The following TRABD2B variants were observed in gnomAD, a reference collection of about 807,000 sequenced individuals.
TRABD2B encodes metalloprotease TIKI2.
TRABD2B carries 14 observed loss-of-function variants against 40.1 expected under a neutral mutation model. The ratio of observed to expected loss-of-function variants is 0.35; its 90% CI spans 0.23 to 0.55. The LOEUF (loss-of-function observed/expected upper bound fraction) is 0.55. Ranked by LOEUF, TRABD2B falls within the 20% of genes least tolerant of loss-of-function variation. The probability of loss-of-function intolerance (pLI) is 0.90; values close to 1 mark genes in which losing one functional copy is unlikely to be tolerated. For missense variants in TRABD2B, 541 were observed against 648.6 expected, an observed-to-expected ratio of 0.83 and a Z score of 1.80; for synonymous variants, 263 against 277.0, an observed-to-expected ratio of 0.95 and a Z score of 0.50.
chr1:47,841,412 G>A (rs1460198298), intron 2 of TRABD2B, among the ~76,000 whole-genome samples: 2 of 152,222 alleles, frequency 1.3e-5, no homozygotes, highest in Non-Finnish European at 2.9e-5. Context: ...TATCTGCAGG[G>A]GCAGCCAGGC....
At chr1:47,963,943 C>A (rs1157126736) in intron 2 of TRABD2B, among the ~76,000 whole-genome samples, 2 of 152,226 alleles carry the variant, frequency 1.3e-5, no homozygotes, top group East Asian at 1.9e-4. Context: ...GGCCCAAAGG[C>A]CAGACTGAGA....
chr1:47,970,933 C>T (rs1645673499), intron 2 of TRABD2B, among the ~76,000 whole-genome samples: 1 of 152,188 alleles, frequency 6.6e-6, no homozygotes, highest in Non-Finnish European at 1.5e-5. Flanking sequence ...AGCCCAAAGT[C>T]AAGAAGCAAG....
intron 2 of TRABD2B, among the ~76,000 whole-genome samples, chr1:47,863,980 G>C (rs1020430993): frequency 1.3e-5 from 2 of 152,158 alleles, no homozygotes; most frequent in African/African-American, 4.8e-5. Context: ...TTATTACTAA[G>C]TGAAAGAAGC....
At chr1:47,923,135 C>T (rs1644923536) in intron 2 of TRABD2B, among the ~76,000 whole-genome samples, 1 of 152,248 alleles carries the variant, frequency 6.6e-6, no homozygotes, top group South Asian at 2.1e-4. Context: ...CCCTGCCCAA[C>T]CTGCTCAGCC....
At chr1:47,777,830 T>C (rs1250286440) in intron 5 of TRABD2B, among the ~76,000 whole-genome samples, 1 of 152,160 alleles carries the variant, frequency 6.6e-6, no homozygotes, top group Non-Finnish European at 1.5e-5. Context: ...GGCCTGGTGC[T>C]GGTGCTGTGG....
At chr1:47,953,552 C>G (rs1331362129) in intron 2 of TRABD2B, among the ~76,000 whole-genome samples, 1 of 152,160 alleles carries the variant, frequency 6.6e-6, no homozygotes, top group Non-Finnish European at 1.5e-5. Context: ...TTACAGAGGC[C>G]TCCGGGGCAG....
intron 2 of TRABD2B, among the ~76,000 whole-genome samples, chr1:47,953,476 C>T (rs180709331): frequency 6.6e-6 from 1 of 152,210 alleles, no homozygotes; most frequent in East Asian, 1.9e-4. Context: ...ACAGGAAGCT[C>T]CCCACCCTAT....
Position 47,765,788 on chromosome 1 carries a change from T to G in TRABD2B, c.*114A>C. The G allele has an allele frequency of 2.9e-6, 2 of 701,110 alleles. No individual in the cohort carries two copies. The highest frequency in any genetic ancestry group is 5.2e-6 in the Non-Finnish European group (2 of 384,502). The allele number at this position is 701,110 out of a possible 1,614,324, so 43.4% of individuals were successfully genotyped here. A position where few individuals can be genotyped will look rare whatever the true frequency, so the allele number is the denominator to read the frequency against. On this transcript the variant is annotated 3_prime_UTR_variant, in exon 7 of 7. Coordinates refer to ENST00000606738, the MANE Select transcript of TRABD2B (RefSeq NM_001194986.2). ...GCTCTAGAGTGTCTAGCCAATCCCA[T>G]GTGGACTGCCCTCGACGTGTTGGGC... is the stretch of plus-strand genomic sequence containing the variant.
intron 2 of TRABD2B, among the ~76,000 whole-genome samples, chr1:47,931,131 T>C (rs991033075): frequency 3.3e-5 from 5 of 152,152 alleles, no homozygotes; most frequent in African/African-American, 1.2e-4. Context: ...TCAGAACAAA[T>C]GGGTGAAGGA....
chr1:47,846,173 G>A (rs773367936), intron 2 of TRABD2B, among the ~76,000 whole-genome samples: 2 of 152,234 alleles, frequency 1.3e-5, no homozygotes, highest in Non-Finnish European at 2.9e-5. Flanking sequence ...CTAAGATGTG[G>A]TTAATACATT....
chr1:47,926,183 A>G (rs1644966458), intron 2 of TRABD2B, among the ~76,000 whole-genome samples: 1 of 152,254 alleles, frequency 6.6e-6, no homozygotes, highest in Non-Finnish European at 1.5e-5. Context: ...AATAATAAAA[A>G]GGAATCATTC....
At chr1:47,952,934 T>C (rs1570356717) in intron 2 of TRABD2B, among the ~76,000 whole-genome samples, 1 of 152,190 alleles carries the variant, frequency 6.6e-6, no homozygotes, top group Non-Finnish European at 1.5e-5. Flanking sequence ...GCGGGTCTCC[T>C]CTTGCCCTGT....
chr1:47,796,236 C>A (rs1463268981), intron 3 of TRABD2B, among the ~76,000 whole-genome samples: 1 of 152,204 alleles, frequency 6.6e-6, no homozygotes, highest in Non-Finnish European at 1.5e-5. Context: ...TCTTTCCTCA[C>A]AACCTGTCAG....
chr1:47,838,370 G>T (rs547276728), intron 2 of TRABD2B, among the ~76,000 whole-genome samples: 23 of 152,202 alleles, frequency 1.5e-4, no homozygotes, highest in Non-Finnish European at 2.6e-4. Flanking sequence ...GACTTCCCAA[G>T]GAGGTGGTGA....
intron 2 of TRABD2B, among the ~76,000 whole-genome samples, chr1:47,923,907 T>TACACAC (rs1268599311): frequency 9.4e-5 from 6 of 64,144 alleles, no homozygotes; most frequent in African/African-American, 2.9e-4. Flanking sequence ...TCTACACACA[T>TACACAC]ACACACATAC....
At chr1:47,913,377 T>G (rs1025250535) in intron 2 of TRABD2B, among the ~76,000 whole-genome samples, 2 of 152,252 alleles carry the variant, frequency 1.3e-5, no homozygotes, top group Middle Eastern at 6.8e-3. Context: ...GCGGGATACT[T>G]GGGCGCGACC....
At chr1:47,982,271 T>A (rs1356744868) in intron 2 of TRABD2B, among the ~76,000 whole-genome samples, 1 of 152,078 alleles carries the variant, frequency 6.6e-6, no homozygotes, top group Non-Finnish European at 1.5e-5. Context: ...ATTGTGAAAA[T>A]GGGCCAATAA....
At position 47,994,384 on chromosome 1, in the gene TRABD2B, C is replaced by T. The variant is rs1454234775; in HGVS notation, c.316G>A (p.Gly106Arg). 3 of 1,536,168 alleles carry T rather than the reference C, an allele frequency of 2.0e-6. No homozygotes were observed. The highest frequency in any genetic ancestry group is 2.6e-6 in the Non-Finnish European group (3 of 1,146,918). ...GGCAGCACGTCCTGCAGGTTTTCCC[C>T]GTGCGGCAGCAGCTGGCAGCTGGCC... ...ALASCQLLPH[G>R]ENLQDVLPHE... Residue 106 changes from glycine (G) to arginine (R), a missense_variant, in exon 2 of 7, where the codon GGG becomes AGG. This residue lies in a region of TRABD2B where 369 missense variants were observed against 492.8 expected (regional missense o/e 0.75). Coordinates refer to ENST00000606738, the MANE Select transcript of TRABD2B (RefSeq NM_001194986.2). The surrounding 1 kb of genome is among the most constrained non-coding windows in gnomAD (Gnocchi z 6.7).
chr1:47,978,858 C>T (rs1272806706), intron 2 of TRABD2B, among the ~76,000 whole-genome samples: 1 of 152,150 alleles, frequency 6.6e-6, no homozygotes. Flanking sequence ...GAATGACCAG[C>T]AAACAGAAGC....
Sources: gnomAD v4.1 joint callset for allele counts (sites outside exome capture counted in the v4.1 genomes callset) on GRCh38, gnomAD v4.1.1 for gene constraint, gnomAD v4.1.1 regional missense constraint, Gnocchi (gnomAD v3.1) non-coding constraint, MANE v1.5 for transcripts, NCBI Gene and HGNC (gene_info 2026-07-23, HGNC 2026-07-21) for gene names.